The following IL34 variants were observed in gnomAD, a reference collection of about 807,000 sequenced individuals.
IL34 encodes the protein interleukin-34.
A neutral mutation model predicts 25.3 loss-of-function variants in IL34; 17 were observed. That is an observed-to-expected ratio of 0.67 (90% CI 0.46 to 1.01). The LOEUF is 1.01. Ranked by LOEUF, IL34 falls within the 50% of genes least tolerant of loss-of-function variation. The probability of loss-of-function intolerance (pLI) is 0.00; values close to 1 mark genes in which losing one functional copy is unlikely to be tolerated. For synonymous variants in IL34, 174 were observed against 140.9 expected (o/e 1.23, Z -1.66); for missense variants, 368 against 312.9 (o/e 1.18, Z -1.33).
At chr16:70,632,318 C>A (rs1268208272) in intron 1 of IL34, among the ~76,000 whole-genome samples, 1 of 152,218 alleles carries the variant, frequency 6.6e-6, no homozygotes, top group Non-Finnish European at 1.5e-5. Context: ...ATGCAGATAT[C>A]TGCAGGGTGT....
intron 1 of IL34, among the ~76,000 whole-genome samples, chr16:70,650,362 G>A (rs1399914132): frequency 6.6e-6 from 1 of 152,230 alleles, no homozygotes; most frequent in Non-Finnish European, 1.5e-5. Context: ...TTGGGGGAGA[G>A]GCAGATCATC....
At chr16:70,628,771 G>T (rs2051452724) in intron 1 of IL34, among the ~76,000 whole-genome samples, 1 of 147,930 alleles carries the variant, frequency 6.8e-6, no homozygotes, top group Admixed American at 6.8e-5. Flanking sequence ...ACAGGCATGA[G>T]CCATCACACC....
At chr16:70,623,752 A>G (rs1050807801) in intron 1 of IL34, among the ~76,000 whole-genome samples, 6 of 151,692 alleles carry the variant, frequency 4.0e-5, no homozygotes, top group Non-Finnish European at 8.8e-5. Flanking sequence ...TAATTTAGTT[A>G]AAGTGTCTCG....
intron 1 of IL34, among the ~76,000 whole-genome samples, chr16:70,621,922 G>A (rs2051291572): frequency 6.6e-6 from 1 of 151,932 alleles, no homozygotes. Context: ...CACTTCTTTT[G>A]TGGTGGAATG....
At chr16:70,640,421 C>G (rs1048383691) in intron 1 of IL34, among the ~76,000 whole-genome samples, 2 of 151,922 alleles carry the variant, frequency 1.3e-5, no homozygotes, top group African/African-American at 4.8e-5. Flanking sequence ...GCCAGGAGAT[C>G]AAGAGCAGCC....
At chr16:70,587,065 A>G (rs2151804110) in intron 1 of IL34, among the ~76,000 whole-genome samples, 1 of 152,268 alleles carries the variant, frequency 6.6e-6, no homozygotes, top group South Asian at 2.1e-4. Flanking sequence ...AGGGTCAAGT[A>G]GGTCAGGGGG....
At chr16:70,616,311 A>G (rs2151831983) in intron 1 of IL34, among the ~76,000 whole-genome samples, 1 of 152,338 alleles carries the variant, frequency 6.6e-6, no homozygotes, top group Admixed American at 6.5e-5. Context: ...TCAGCTTTGG[A>G]TGAAAAATTA....
At chr16:70,648,488 G>C (rs1457941219) in intron 1 of IL34, among the ~76,000 whole-genome samples, 1 of 148,390 alleles carries the variant, frequency 6.7e-6, no homozygotes, top group Non-Finnish European at 1.5e-5. Context: ...AGGAGGTTGA[G>C]GCTGCAGTAG....
chr16:70,593,045 T>A (rs56225509), intron 1 of IL34, among the ~76,000 whole-genome samples: 9,202 of 152,294 alleles, frequency 0.06, 390 homozygotes, highest in Middle Eastern at 0.13. Flanking sequence ...CAGGCTGGTC[T>A]CGAACTGCTG....
chr16:70,622,368 C>G (rs2051300670), intron 1 of IL34, among the ~76,000 whole-genome samples: 1 of 151,648 alleles, frequency 6.6e-6, no homozygotes, highest in South Asian at 2.1e-4. Flanking sequence ...AGGGAGGAGG[C>G]CTGAATAATC....
intron 1 of IL34, among the ~76,000 whole-genome samples, chr16:70,629,301 T>C (rs1052966145): frequency 3.9e-5 from 6 of 152,220 alleles, no homozygotes; most frequent in African/African-American, 9.6e-5. Flanking sequence ...TTCTAAGTTA[T>C]GCAAAATGCT....
At chr16:70,614,519 G>C (rs2051145337) in intron 1 of IL34, among the ~76,000 whole-genome samples, 1 of 152,220 alleles carries the variant, frequency 6.6e-6, no homozygotes, top group African/African-American at 2.4e-5. Context: ...ACAGTGATGG[G>C]AGCCGAGGTT....
intron 1 of IL34, among the ~76,000 whole-genome samples, chr16:70,598,851 G>T (rs180950555): frequency 1.8e-3 from 269 of 152,328 alleles, no homozygotes; most frequent in Non-Finnish European, 2.8e-3. Flanking sequence ...CTGTCAGACT[G>T]CTCTAAGGCA....
At chr16:70,598,983 C>T (rs546224019) in intron 1 of IL34, among the ~76,000 whole-genome samples, 48 of 152,184 alleles carry the variant, frequency 3.2e-4, no homozygotes, top group South Asian at 8.3e-4. Context: ...AGAGTCCATC[C>T]GGTTATAGAT....
chr16:70,606,851 G>A (rs552233957), intron 1 of IL34, among the ~76,000 whole-genome samples: 1 of 152,264 alleles, frequency 6.6e-6, no homozygotes, highest in East Asian at 1.9e-4. Context: ...GCCTCCTAAA[G>A]TGGTGGGGTT....
At chr16:70,643,645 G>A (rs1341596374), upstream of IL34, among the ~76,000 whole-genome samples, 1 of 152,204 alleles carries the variant, frequency 6.6e-6, no homozygotes, top group Non-Finnish European at 1.5e-5. Flanking sequence ...AAGGTGCTGG[G>A]ATTACAAGTG....
Position 70,658,941 on chromosome 16 carries a change from C to T in IL34, c.403-677C>T, listed in dbSNP as rs563331526. 5.1e-4 allele frequency among the ~76,000 whole-genome samples: 78 copies of T among 152,326 alleles called. 1 individual carries two copies. Among genetic ancestry groups the T allele is most frequent in the African/African-American group, 1.5e-3 (61 of 41,570 alleles). On this transcript the variant is annotated intron_variant, in intron 4 of 5. Transcript: ENST00000288098. ...CTATTTCCAAATAGGGTCACATTCA[C>T]GGGTACCAAGGGGTAGGACCAAGAC... is the stretch of plus-strand genomic sequence containing the variant.
chr16:70,629,205 T>C (rs2051463446), intron 1 of IL34, among the ~76,000 whole-genome samples: 1 of 152,248 alleles, frequency 6.6e-6, no homozygotes, highest in Non-Finnish European at 1.5e-5. Flanking sequence ...TGTTTGCTGA[T>C]GTAATTGCAT....
intron 1 of IL34, among the ~76,000 whole-genome samples, chr16:70,629,947 T>C (rs1193101477): frequency 6.6e-6 from 1 of 151,260 alleles, no homozygotes; most frequent in African/African-American, 2.5e-5. Flanking sequence ...TACTAGCTCT[T>C]ATTCATTCTG....
Sources: gnomAD v4.1 joint callset for allele counts (sites outside exome capture counted in the v4.1 genomes callset) on GRCh38, gnomAD v4.1.1 for gene constraint, MANE v1.5 for transcripts, NCBI Gene and HGNC (gene_info 2026-07-23, HGNC 2026-07-21) for gene names.